The following XNDC1N variants were observed in gnomAD, a reference collection of about 807,000 sequenced individuals.
XNDC1N encodes the protein protein XNDC1N.
chr11:71,896,808 C>T, the XNDC1N span, among the ~76,000 whole-genome samples: 2 of 152,240 alleles, frequency 1.3e-5, no homozygotes, highest in East Asian at 3.8e-4. Context: ...ACGTGATCCA[C>T]CCGCCTCGGC....
chr11:71,897,689 T>G, the XNDC1N span, among the ~76,000 whole-genome samples: 1 of 152,204 alleles, frequency 6.6e-6, no homozygotes, highest in Non-Finnish European at 1.5e-5. Context: ...TGATCAGATG[T>G]TCCCGCAGTT....
At chr11:71,903,812 G>A in the XNDC1N span, 1 of 349,490 alleles carries the variant, frequency 2.9e-6, no homozygotes, top group Non-Finnish European at 5.6e-6. Flanking sequence ...TGCCGTATTT[G>A]GTTTTCTTCC....
the XNDC1N span, among the ~76,000 whole-genome samples, chr11:71,898,283 A>G: frequency 6.6e-6 from 1 of 152,114 alleles, no homozygotes; most frequent in African/African-American, 2.4e-5. Flanking sequence ...CCTTGAAGAC[A>G]TTATCGTCAG....
the XNDC1N span, chr11:71,914,256 A>G: frequency 1.5e-5 from 7 of 456,062 alleles, no homozygotes; most frequent in South Asian, 7.7e-5. Context: ...CTTGGATGCC[A>G]TTAAGAATAC....
At chr11:71,905,382 T>A in the XNDC1N span, among the ~76,000 whole-genome samples, 60 of 151,934 alleles carry the variant, frequency 3.9e-4, no homozygotes, top group Non-Finnish European at 5.6e-4. Flanking sequence ...ACGAATAACA[T>A]CACAGGGTGT....
the XNDC1N span, among the ~76,000 whole-genome samples, chr11:71,924,017 G>A: frequency 1.3e-5 from 2 of 152,154 alleles, no homozygotes; most frequent in African/African-American, 4.8e-5. Flanking sequence ...TTATATATAG[G>A]TGAGTTCTCA....
chr11:71,917,338 G>A, the XNDC1N span: 4 of 627,260 alleles, frequency 6.4e-6, no homozygotes, highest in South Asian at 5.6e-5. Flanking sequence ...ATCAATAAGT[G>A]TGTGTGTTCT....
At chr11:71,901,098 A>C in the XNDC1N span, among the ~76,000 whole-genome samples, 1 of 152,172 alleles carries the variant, frequency 6.6e-6, no homozygotes, top group Non-Finnish European at 1.5e-5. Context: ...AGCTGAGATC[A>C]CATCGAGGAT....
chr11:71,884,165 T>C, the XNDC1N span: 1 of 349,824 alleles, frequency 2.9e-6, no homozygotes, highest in Non-Finnish European at 5.1e-6. Flanking sequence ...TATGTGGTAA[T>C]AGTTCTCATT....
At chr11:71,917,357 G>C in the XNDC1N span, 1 of 613,288 alleles carries the variant, frequency 1.6e-6, no homozygotes, top group Non-Finnish European at 2.9e-6. Flanking sequence ...CTATATATTG[G>C]GCCCTACCGA....
the XNDC1N span, among the ~76,000 whole-genome samples, chr11:71,890,598 G>A: frequency 6.6e-6 from 1 of 151,922 alleles, no homozygotes; most frequent in Non-Finnish European, 1.5e-5. Flanking sequence ...CATATTTCAG[G>A]TGGGGTATAC....
At chr11:71,911,766 C>T in the XNDC1N span, among the ~76,000 whole-genome samples, 2 of 152,202 alleles carry the variant, frequency 1.3e-5, no homozygotes, top group Non-Finnish European at 2.9e-5. Flanking sequence ...GGAAACCCCA[C>T]AAGGTGGCAG....
At chr11:71,894,861 G>A in the XNDC1N span, among the ~76,000 whole-genome samples, 2 of 152,210 alleles carry the variant, frequency 1.3e-5, no homozygotes, top group African/African-American at 2.4e-5. Context: ...TCAAGGTGAC[G>A]TTTCCAAGAG....
chr11:71,910,878 C>A, the XNDC1N span, among the ~76,000 whole-genome samples: 1 of 152,130 alleles, frequency 6.6e-6, no homozygotes, highest in Non-Finnish European at 1.5e-5. Flanking sequence ...GGACCGGGAA[C>A]CTTTGGAATG....
chr11:71,870,462 T>A, the XNDC1N span, among the ~76,000 whole-genome samples: 1 of 152,156 alleles, frequency 6.6e-6, no homozygotes. Context: ...ACATTGGACA[T>A]CTTAAGTTCT....
At chr11:71,926,778 G>A in the XNDC1N span, among the ~76,000 whole-genome samples, 2 of 151,140 alleles carry the variant, frequency 1.3e-5, no homozygotes, top group African/African-American at 4.9e-5. Flanking sequence ...GCACATGCCT[G>A]TAATCCCAGC....
At chr11:71,892,559 G>A in the XNDC1N span, among the ~76,000 whole-genome samples, 1,370 of 152,010 alleles carry the variant, frequency 9.0e-3, 17 homozygotes, top group African/African-American at 0.031. Flanking sequence ...TTCAGGAGCA[G>A]TATCTCCCTA....
the XNDC1N span, chr11:71,916,471 C>T: frequency 9.3e-6 from 5 of 536,552 alleles, no homozygotes; most frequent in Admixed American, 1.5e-4. Context: ...CTCTTGCCTT[C>T]TCATCACTCC....
the XNDC1N span, among the ~76,000 whole-genome samples, chr11:71,926,284 A>T: frequency 3.5e-4 from 54 of 152,254 alleles, no homozygotes; most frequent in African/African-American, 1.2e-3. Flanking sequence ...AAATAAATAC[A>T]TAAATAAATA....
Sources: gnomAD v4.1 joint callset for allele counts (sites outside exome capture counted in the v4.1 genomes callset) on GRCh38, gnomAD v4.1.1 for gene constraint, MANE v1.5 for transcripts, NCBI Gene and HGNC (gene_info 2026-07-23, HGNC 2026-07-21) for gene names.